Variants in WDR87 observed in about 807,000 individuals in gnomAD.
The protein encoded by WDR87 is WD repeat domain 87, also known as WD repeat-containing protein 87.
A neutral mutation model predicts 83.3 loss-of-function variants in WDR87; 56 were observed. The ratio of observed to expected loss-of-function variants is 0.67; its 90% CI spans 0.54 to 0.84. WDR87 has a LOEUF of 0.84. WDR87 is among the 40% of genes least tolerant of loss of function. WDR87 has a pLI of 0.00. For missense variants in WDR87, 2,939 were observed against 3,431.9 expected (o/e 0.86, Z 3.59); for synonymous variants, 1,173 against 1,250.6 (o/e 0.94, Z 1.31).
At chr19:37,891,916 G>A in intron 4 of WDR87, 96 bp from the exon 5 acceptor site, 1 of 1,430,954 alleles carries the variant, frequency 7.0e-7, no homozygotes, top group Non-Finnish European at 9.3e-7. Context: ...AGGAGGCTTG[G>A]CAAAGTGGCC....
At chr19:37,900,510 G>A (rs1344678251) in intron 1 of WDR87, among the ~76,000 whole-genome samples, 2 of 135,942 alleles carry the variant, frequency 1.5e-5, no homozygotes, top group African/African-American at 5.7e-5. Flanking sequence ...GCAGCAAGCC[G>A]AGATCACGCC....
In WDR87 at chr19:37,886,906, T is replaced by C; in HGVS notation, c.6765A>G (p.Gln2255=). 1.3e-6 allele frequency: 2 copies of C among 1,551,532 alleles called. No individual in the cohort carries two copies. Among genetic ancestry groups the C allele is most frequent in the Admixed American group, 2.0e-5 (1 of 50,940 alleles). The change falls in exon 6 of 6, where the codon CAA becomes CAG. Residue 2255 remains glutamine (Q), a synonymous_variant. Coordinates refer to ENST00000447313, the MANE Select transcript of WDR87 (RefSeq NM_001291088.2). The part of the protein sequence containing the change: ...GDKPKEKFSS[Q]VDEVESEEHF... ...GCTCTTCACTTTCCACTTCATCCAC[T>C]TGACTGGAAAACTTTTCTTTTGGTT...
In WDR87 at chr19:37,887,062, C is replaced by G. The variant is rs553566133; in HGVS notation, c.6609G>C (p.Glu2203Asp). The change falls in exon 6 of 6, where the codon GAG becomes GAC. Residue 2203 changes from glutamate (E) to aspartate (D), a missense_variant. Glu to Asp is a conservative substitution (Grantham distance 45). This residue lies in a region of WDR87 where 2,160 missense variants were observed against 2,533.1 expected (regional missense o/e 0.85). Transcript: ENST00000447313. ...CTGAATGCTTTCTGGCCAATTTGCT[C>G]TCTTCCTCAGTCATTTTTTCTTCTT... Reference protein sequence around the residue: ...INKEEKMTEEESKLARKHSEV... With the variant: ...INKEEKMTEEDSKLARKHSEV... The G allele has an allele frequency of 9.0e-6, 14 of 1,551,294 alleles. No individual in the cohort carries two copies. The highest frequency in any genetic ancestry group is 1.7e-4 in the Middle Eastern group (1 of 5,996).
chr19:37,885,467 T>A lies in WDR87; in HGVS notation c.8204A>T (p.Asp2735Val), dbSNP rs1425192559. Residue 2735 changes from aspartate (D) to valine (V), a missense_variant, in exon 6 of 6, where the codon GAT (aspartate) becomes GTT (valine). Coordinates refer to ENST00000447313, the MANE Select transcript of WDR87 (RefSeq NM_001291088.2). ...LALMFQKDFW[D>V]FKDKRRFPKL... ...AGGAAACCTGCGTTTATCCTTAAAA[T>A]CCCAGAAGTCCTTTTGAAACATCAG... The A allele has an allele frequency of 1.3e-6, 2 of 1,551,562 alleles. No homozygotes were observed. The highest frequency in any genetic ancestry group is 4.9e-5 in the East Asian group (2 of 40,926).
intron 2 of WDR87, among the ~76,000 whole-genome samples, chr19:37,897,060 T>A (rs551742252): frequency 6.6e-6 from 1 of 152,284 alleles, no homozygotes; most frequent in East Asian, 1.9e-4. Context: ...AGCTCTAAGT[T>A]ACTGAAGCTT....
intron 1 of WDR87, among the ~76,000 whole-genome samples, chr19:37,902,846 T>C (rs1449125838): frequency 6.6e-6 from 1 of 152,178 alleles, no homozygotes; most frequent in Non-Finnish European, 1.5e-5. Context: ...GGCTCCAATG[T>C]GCTCTGTTAC....
chr19:37,886,896 C>T lies in WDR87; in HGVS notation c.6775G>A (p.Val2259Met). The T allele has an allele frequency of 6.4e-7, 1 of 1,551,614 alleles. No individual in the cohort carries two copies. Among genetic ancestry groups the T allele is most frequent in the African/African-American group, 1.4e-5 (1 of 73,120 alleles). Residue 2259 changes from valine to methionine, a missense_variant, in exon 6 of 6, where the codon GTG becomes ATG. Around this residue, in one of 3 missense-constraint regions of WDR87, gnomAD observed 2,160 missense variants for 2,533.1 expected, o/e 0.85. Coordinates refer to ENST00000447313, the MANE Select transcript of WDR87 (RefSeq NM_001291088.2). ...KEKFSSQVDE[V>M]ESEEHFSEEM... ...TCAGAAAAATGCTCTTCACTTTCCA[C>T]TTCATCCACTTGACTGGAAAACTTT...
At chr19:37,902,662 C>A (rs897903143) in intron 1 of WDR87, among the ~76,000 whole-genome samples, 2 of 152,228 alleles carry the variant, frequency 1.3e-5, no homozygotes, top group African/African-American at 4.8e-5. Flanking sequence ...GGTGTTGACA[C>A]TGGAACTATA....
rs910989066 is a variant in WDR87 at position 37,900,933 on chromosome 19, C to T, written c.-46-2648G>A. Among the ~76,000 whole-genome samples, 4 of 136,788 alleles carry T rather than the reference C, an allele frequency of 2.9e-5. No individual in the cohort carries two copies. The Admixed American group carries it at 3.4e-4, about 12-fold the overall frequency. 89.7% of individuals were successfully genotyped at this position (136,788 alleles called of 152,430 possible). On this transcript the variant is annotated intron_variant, in intron 1 of 5. Transcript: ENST00000447313. ...TTTCAGCCAGAAGTTCAAGGCCAGC[C>T]TGGGCAACATAGTGGGACCCTGTCT... is the stretch of plus-strand genomic sequence containing the variant.
chr19:37,892,392 A>C, intron 4 of WDR87, among the ~76,000 whole-genome samples, 186 bp downstream of exon 4: 1 of 152,280 alleles, frequency 6.6e-6, no homozygotes, highest in South Asian at 2.1e-4. Context: ...TCAAAAAAAG[A>C]AGGAAGAGGA....
chr19:37,887,281 T>C lies in WDR87; in HGVS notation c.6390A>G (p.Thr2130=). The change falls in exon 6 of 6, where the codon ACA becomes ACG. Residue 2130 remains threonine, a synonymous_variant. Coordinates refer to ENST00000447313, the MANE Select transcript of WDR87 (RefSeq NM_001291088.2). The part of the protein sequence containing the change: ...QKLTRDERKL[T]QEEIKMTKMK... Reference sequence around the variant, plus strand: ...TCTTTGTCATTTTTATTTCTTCCTGTGTTAGTTTCCTTTCATCCCTGGTTA... The same window carrying C: ...TCTTTGTCATTTTTATTTCTTCCTGCGTTAGTTTCCTTTCATCCCTGGTTA... The C allele has an allele frequency of 1.3e-6, 2 of 1,551,434 alleles. No individual in the cohort carries two copies. Among genetic ancestry groups the C allele is most frequent in the Non-Finnish European group, 1.7e-6 (2 of 1,146,900 alleles).
In WDR87 at chr19:37,886,990, C is replaced by T. The variant is rs2046154249; in HGVS notation, c.6681G>A (p.Glu2227=). 6.4e-7 allele frequency: 1 copy of T among 1,551,744 alleles called. No homozygotes were observed. The highest frequency in any genetic ancestry group is 2.0e-5 in the Admixed American group (1 of 50,906). ...DEEEGGIEEE[E]VIPFLKRRWR... is the part of the protein sequence containing the mutation. ...ACCTTCGTTTAAGGAATGGGATTAC[C>T]TCTTCTTCTTCTATTCCTCCTTCCT... Residue 2227 remains glutamate (E), a synonymous_variant, in exon 6 of 6, where the codon GAG becomes GAA. Coordinates refer to ENST00000447313, the MANE Select transcript of WDR87 (RefSeq NM_001291088.2).
Position 37,893,865 on chromosome 19 carries a change from T to A in WDR87, c.1838A>T (p.Asp613Val). ...AAAAAGACTCAAGGAGAGGCAGACATCAAAGGATGTGATGGCACACAGGTG... is the reference window on the plus strand; with the variant it reads ...AAAAAGACTCAAGGAGAGGCAGACAACAAAGGATGTGATGGCACACAGGTG... Reference protein sequence around the residue: ...PLHLCAITSFDVCLSLSLFVT... With the variant: ...PLHLCAITSFVVCLSLSLFVT... The change falls in exon 4 of 6, where the codon GAT becomes GTT. Residue 613 changes from aspartate to valine, a missense_variant. By Grantham distance (152) the Asp-to-Val change is radical. Transcript: ENST00000447313. 1 of 1,551,866 alleles carries A rather than the reference T, an allele frequency of 6.4e-7. No individual in the cohort carries two copies.
rs201286578 is a variant in WDR87 at position 37,893,214 on chromosome 19, C to T, written c.2489G>A (p.Arg830His). 1.9e-5 allele frequency: 29 copies of T among 1,551,746 alleles called. No homozygotes were observed. Among genetic ancestry groups the T allele is most frequent in the Admixed American group, 1.2e-4 (6 of 50,984 alleles). The change falls in exon 4 of 6, where the codon CGT becomes CAT. Residue 830 changes from arginine (R) to histidine (H), a missense_variant. Around this residue, in one of 3 missense-constraint regions of WDR87, gnomAD observed 2,160 missense variants for 2,533.1 expected, o/e 0.85. Coordinates refer to ENST00000447313, the MANE Select transcript of WDR87 (RefSeq NM_001291088.2). ...PDCYIPNSVI[R>H]ARLWPEGTPI... The stretch of plus-strand genomic sequence containing the variant: ...GGTGCCCTCTGGCCAAAGACGGGCA[C>T]GAATCACTGAATTGGGGATATAGCA...
chr19:37,892,815 C>T lies in WDR87; in HGVS notation c.2888G>A (p.Arg963His), dbSNP rs758377204. Reference protein sequence around the residue: ...VSPALRSETARRLLNDTTNSN... With the variant: ...VSPALRSETAHRLLNDTTNSN... ...ATTGGTTGTATCATTCAGTAGCCGACGGGCTGTCTCAGAGCGTAGGGCTGG... is the reference window on the plus strand; with the variant it reads ...ATTGGTTGTATCATTCAGTAGCCGATGGGCTGTCTCAGAGCGTAGGGCTGG... Residue 963 changes from arginine (R) to histidine (H), a missense_variant, in exon 4 of 6, where the codon CGT (arginine) becomes CAT (histidine). Coordinates refer to ENST00000447313, the MANE Select transcript of WDR87 (RefSeq NM_001291088.2). The T allele has an allele frequency of 8.7e-5, 135 of 1,551,632 alleles. No homozygotes were observed. The highest frequency in any genetic ancestry group is 1.1e-4 in the Non-Finnish European group (122 of 1,147,018).
At position 37,884,839 on chromosome 19, in the gene WDR87, AAAAG is replaced by A. The variant is rs892673274; in HGVS notation, c.*89_*92del. Reference sequence around the variant, plus strand: ...GTGAAACACCGTCTCAAAAAAAAAAAAAAGAGAGAGAGAGAGATGAAGGTCTAGA... The same window carrying A: ...GTGAAACACCGTCTCAAAAAAAAAAAAGAGAGAGAGAGATGAAGGTCTAGA... On this transcript the variant is annotated 3_prime_UTR_variant, in exon 6 of 6. Coordinates refer to ENST00000447313, the MANE Select transcript of WDR87 (RefSeq NM_001291088.2). The A allele has an allele frequency of 3.2e-5, 38 of 1,182,934 alleles. No homozygotes were observed. Among genetic ancestry groups the A allele is most frequent in the South Asian group, 4.3e-5 (1 of 23,120 alleles). 73.3% of individuals were successfully genotyped at this position (1,182,934 alleles called of 1,614,324 possible).
At position 37,896,195 on chromosome 19, in the gene WDR87, A is replaced by G; in HGVS notation, c.189T>C (p.Ser63=). ...QNMPCVCYYF[S]DAHFFASLSW... ...AGAGGGAGGCGAAGAAGTGGGCATC[A>G]CTGAAGTAATAGCATACACACGGCA... Residue 63 remains serine, a synonymous_variant, in exon 3 of 6, where the codon AGT becomes AGC. Transcript: ENST00000447313. 1.3e-6 allele frequency: 2 copies of G among 1,552,376 alleles called. No individual in the cohort carries two copies. The highest frequency in any genetic ancestry group is 1.7e-6 in the Non-Finnish European group (2 of 1,147,140).
In WDR87 at chr19:37,886,812, C is replaced by T; in HGVS notation, c.6859G>A (p.Glu2287Lys). The change falls in exon 6 of 6, where the codon GAG (glutamate) becomes AAG (lysine). Residue 2287 changes from glutamate (E) to lysine (K), a missense_variant. Transcript: ENST00000447313. ...TCCTCTTCTTCCTCCCTTTCCTCCT[C>T]CTCCTCAGAAGACAAACTCTCTTGC... ...EKQESLSSEE[E>K]EEREEEEERE... is the part of the protein sequence containing the mutation. 2.6e-6 allele frequency: 4 copies of T among 1,550,190 alleles called. No individual in the cohort carries two copies. Among genetic ancestry groups the T allele is most frequent in the Non-Finnish European group, 2.6e-6 (3 of 1,146,812 alleles).
In WDR87 at chr19:37,885,898, C is replaced by A. The variant is rs762069466; in HGVS notation, c.7773G>T (p.Leu2591=). The change falls in exon 6 of 6, where the codon CTG becomes CTT. Residue 2591 remains leucine, a synonymous_variant. Transcript: ENST00000447313. ...SRDGFHRLCQ[L]LKDLASKGNL... is the part of the protein sequence containing the mutation. ...TTCCCTTTGAGGCAAGGTCTTTGAG[C>A]AGCTGGCACAGTCTATGGAAACCAT... 3 of 1,552,188 alleles carry A rather than the reference C, an allele frequency of 1.9e-6. No individual in the cohort carries two copies. Among genetic ancestry groups the A allele is most frequent in the South Asian group, 2.4e-5 (2 of 84,068 alleles).
Sources: gnomAD v4.1 joint callset for allele counts (sites outside exome capture counted in the v4.1 genomes callset) on GRCh38, gnomAD v4.1.1 for gene constraint, gnomAD v4.1.1 regional missense constraint, MANE v1.5 for transcripts, NCBI Gene and HGNC (gene_info 2026-07-23, HGNC 2026-07-21) for gene names.